Variants in SORCS2 observed in about 807,000 individuals in gnomAD.
SORCS2 encodes the protein VPS10 domain-containing receptor SorCS2.
Under a neutral mutation model 141.6 loss-of-function variants are expected in SORCS2, and 100 were observed. The ratio of observed to expected loss-of-function variants is 0.71; its 90% CI spans 0.60 to 0.83. The LOEUF (loss-of-function observed/expected upper bound fraction) is 0.83. Among genes scored for constraint, SORCS2 ranks in the 40% least tolerant of loss-of-function variants. SORCS2 has a pLI of 0.00. For missense variants in SORCS2, 1,646 were observed against 1,560.2 expected, an observed-to-expected ratio of 1.05 and a Z score of -0.93; for synonymous variants, 789 against 676.9, an observed-to-expected ratio of 1.17 and a Z score of -2.57.
chr4:7,289,279 ACTT>A (rs1469166426), intron 1 of SORCS2, among the ~76,000 whole-genome samples: 2 of 151,208 alleles, frequency 1.3e-5, no homozygotes, highest in Admixed American at 6.6e-5. Context: ...TGTCTGGCTC[ACTT>A]CTTCTCCCTG....
In SORCS2 at chr4:7,193,999, A is replaced by C. The variant is rs1177194292; in HGVS notation, c.480+873A>C. 1.3e-5 allele frequency among the ~76,000 whole-genome samples: 2 copies of C among 151,372 alleles called. No individual in the cohort carries two copies. Among genetic ancestry groups the C allele is most frequent in the African/African-American group, 4.9e-5 (2 of 41,180 alleles). On this transcript the variant is annotated intron_variant, in intron 1 of 26. Transcript: ENST00000507866. The surrounding 1 kb of genome is among the most constrained non-coding windows in gnomAD (Gnocchi z 4.8). ...GATTATTCCCCTGGGGGCTGCCTCA[A>C]CCTCACTCCCCACTTCCCCCCACCC...
At chr4:7,584,114 G>A (rs762651935) in intron 3 of SORCS2, among the ~76,000 whole-genome samples, 5 of 152,248 alleles carry the variant, frequency 3.3e-5, no homozygotes, top group Non-Finnish European at 7.3e-5. Context: ...TTCATTCACA[G>A]TCCACATGTT....
chr4:7,599,401 C>T (rs1444964771), intron 3 of SORCS2, among the ~76,000 whole-genome samples: 2 of 152,204 alleles, frequency 1.3e-5, no homozygotes, highest in African/African-American at 4.8e-5. Context: ...CCGCCAAGCC[C>T]GGTGTGCTCC....
chr4:7,201,564 A>G lies in SORCS2; in HGVS notation c.480+8438A>G, dbSNP rs1727483945. ...AAGACTTGTGCAGATGATTCGATGG[A>G]GAGCAGACTGGAGTGACGGGCGAAT... On this transcript the variant is annotated intron_variant, in intron 1 of 26. Coordinates refer to ENST00000507866, the MANE Select transcript of SORCS2 (RefSeq NM_020777.3). This position sits in a 1 kb window ranked among gnomAD's most constrained non-coding sequence, Gnocchi z 4.4. 6.6e-6 allele frequency among the ~76,000 whole-genome samples: 1 copy of G among 152,182 alleles called. No individual in the cohort carries two copies. Among genetic ancestry groups the G allele is most frequent in the South Asian group, 2.1e-4 (1 of 4,826 alleles).
intron 3 of SORCS2, among the ~76,000 whole-genome samples, chr4:7,576,719 G>T (rs76505267): frequency 6.6e-6 from 1 of 152,200 alleles, no homozygotes; most frequent in South Asian, 2.1e-4. Context: ...GGGCGGGGAG[G>T]TTCCTGGAAT....
intron 1 of SORCS2, among the ~76,000 whole-genome samples, chr4:7,217,458 A>G (rs1364161640): frequency 1.3e-5 from 2 of 152,206 alleles, no homozygotes; most frequent in African/African-American, 4.8e-5. Context: ...TGCTGGTTCC[A>G]GGGGCCAGAG....
chr4:7,496,427 G>GCC (rs1166086025), intron 2 of SORCS2, among the ~76,000 whole-genome samples: 15 of 35,776 alleles, frequency 4.2e-4, no homozygotes, highest in Middle Eastern at 0.014. Flanking sequence ...AGCTACTGGA[G>GCC]CCCCCCCCCC....
Position 7,724,576 on chromosome 4 carries a change from GTGA to G in SORCS2, c.2612-575_2612-573del, listed in dbSNP as rs750508195. Among the ~76,000 whole-genome samples the G allele has an allele frequency of 1.9e-3, 122 of 65,744 alleles. 6 individuals are homozygous for G. The highest frequency in any genetic ancestry group is 4.5e-3 in the African/African-American group (77 of 16,998). 43.1% of individuals were successfully genotyped at this position (65,744 alleles called of 152,430 possible). On this transcript the variant is annotated intron_variant, in intron 19 of 26. Transcript: ENST00000507866. ...GTGGGAATGGATGGTGGTGGTGATG[GTGA>G]TGGTGGTGGTGTTGGTGATGGTGGT...
At chr4:7,272,736 G>T (rs778240887) in intron 1 of SORCS2, among the ~76,000 whole-genome samples, 1 of 152,242 alleles carries the variant, frequency 6.6e-6, no homozygotes, top group Admixed American at 6.5e-5. Flanking sequence ...ACCATCCGCG[G>T]CATTGCAGCC....
At chr4:7,373,352 G>A (rs947589545) in intron 1 of SORCS2, among the ~76,000 whole-genome samples, 2 of 149,856 alleles carry the variant, frequency 1.3e-5, no homozygotes, top group East Asian at 4.0e-4. Context: ...CTTTTCATAT[G>A]CTTATTTGCC....
intron 23 of SORCS2, among the ~76,000 whole-genome samples, chr4:7,731,671 C>G (rs1482414305): frequency 6.6e-6 from 1 of 152,082 alleles, no homozygotes; most frequent in East Asian, 1.9e-4. Flanking sequence ...CATGTACGGT[C>G]AATTGATTTT....
intron 2 of SORCS2, among the ~76,000 whole-genome samples, chr4:7,475,549 C>G (rs73212553): frequency 0.28 from 42,497 of 152,188 alleles, 7,036 homozygotes; most frequent in East Asian, 0.69. Context: ...CAGCTGCCCC[C>G]CTCCTGCCAC....
chr4:7,627,342 G>A (rs1046429462), intron 3 of SORCS2, among the ~76,000 whole-genome samples: 1 of 152,192 alleles, frequency 6.6e-6, no homozygotes, highest in Non-Finnish European at 1.5e-5. Context: ...GAGGCGTCCT[G>A]CTGAGAATGC....
chr4:7,425,387 A>G (rs1278144564), intron 2 of SORCS2, among the ~76,000 whole-genome samples: 1 of 151,964 alleles, frequency 6.6e-6, no homozygotes, highest in Admixed American at 6.6e-5. Context: ...TGGAAGGTGC[A>G]CTCGCTTCTG....
At chr4:7,609,339 G>A (rs906321554) in intron 3 of SORCS2, among the ~76,000 whole-genome samples, 1 of 152,122 alleles carries the variant, frequency 6.6e-6, no homozygotes, top group Non-Finnish European at 1.5e-5. Context: ...TGTTAGCACC[G>A]TTTCTCTTCC....
chr4:7,614,611 TATC>T lies in SORCS2; in HGVS notation c.649-23716_649-23714del, dbSNP rs1325809150. ...CCATCCACCCATCCACCTATCCACC[TATC>T]CACCATCCACCCATCAATCCATTTA... On this transcript the variant is annotated intron_variant, in intron 3 of 26. Transcript: ENST00000507866. Among the ~76,000 whole-genome samples the T allele has an allele frequency of 8.2e-3, 952 of 116,694 alleles. 15 individuals carry two copies. The highest frequency in any genetic ancestry group is 0.032 in the African/African-American group (916 of 28,978). 76.6% of individuals were successfully genotyped at this position (116,694 alleles called of 152,430 possible).
At chr4:7,406,452 G>C (rs1051458525) in intron 2 of SORCS2, among the ~76,000 whole-genome samples, 1 of 148,830 alleles carries the variant, frequency 6.7e-6, no homozygotes, top group Non-Finnish European at 1.5e-5. Flanking sequence ...GTTTTCTCAT[G>C]GTTCAATCTT....
At chr4:7,609,367 C>A (rs983509704) in intron 3 of SORCS2, among the ~76,000 whole-genome samples, 1 of 152,178 alleles carries the variant, frequency 6.6e-6, no homozygotes, top group African/African-American at 2.4e-5. Context: ...TCCGTGCTTA[C>A]CTGGAGGCAC....
chr4:7,584,349 C>G (rs1399544561), intron 3 of SORCS2, among the ~76,000 whole-genome samples: 1 of 152,136 alleles, frequency 6.6e-6, no homozygotes, highest in Admixed American at 6.5e-5. Flanking sequence ...TGGGTCTGTG[C>G]CCAGTACTGG....
Sources: gnomAD v4.1 joint callset for allele counts (sites outside exome capture counted in the v4.1 genomes callset) on GRCh38, gnomAD v4.1.1 for gene constraint, Gnocchi (gnomAD v3.1) non-coding constraint, MANE v1.5 for transcripts, NCBI Gene and HGNC (gene_info 2026-07-23, HGNC 2026-07-21) for gene names.